The following FBXO47 variants were observed in gnomAD, a reference collection of about 807,000 sequenced individuals.
FBXO47 encodes F-box protein 47, also known as F-box only protein 47.
A neutral mutation model predicts 53.9 loss-of-function variants in FBXO47; 34 were observed. The ratio of observed to expected loss-of-function variants is 0.63; its 90% CI spans 0.48 to 0.84. FBXO47 has a LOEUF of 0.84. Among genes scored for constraint, FBXO47 ranks in the 40% least tolerant of loss-of-function variants. The pLI, the probability that FBXO47 is intolerant of heterozygous loss-of-function variation, is 0.00. For missense variants in FBXO47, 485 were observed against 541.3 expected (o/e 0.90, Z 1.03); for synonymous variants, 165 against 181.6 (o/e 0.91, Z 0.73).
Position 38,945,117 on chromosome 17 carries a change from C to T in FBXO47, c.636G>A (p.Glu212=). Residue 212 remains glutamate, a synonymous_variant, in exon 7 of 11, where the codon GAG becomes GAA. Transcript: ENST00000378079. ...TCCTACAGAAGAGTCTGATTCTTAA[C>T]TCCAGTTTTTGGGCACTTCCTATGA... ...CSKPGSAQKL[E]LRIRLFCRNV... The T allele has an allele frequency of 1.2e-6, 2 of 1,612,656 alleles. No homozygotes were observed. Among genetic ancestry groups the T allele is most frequent in the African/African-American group, 1.3e-5 (1 of 75,006 alleles).
chr17:38,952,491 G>A (rs1905344500), intron 5 of FBXO47, among the ~76,000 whole-genome samples: 1 of 151,374 alleles, frequency 6.6e-6, no homozygotes, highest in Admixed American at 6.6e-5. Flanking sequence ...GTTTCTTTTT[G>A]GTTGGAAAGG....
intron 1 of FBXO47, among the ~76,000 whole-genome samples, chr17:38,966,650 C>G (rs754614160): frequency 9.2e-5 from 14 of 152,118 alleles, no homozygotes; most frequent in South Asian, 4.1e-4. Flanking sequence ...TTCACTGTGT[C>G]AACTGTGAAC....
chr17:38,943,941 CA>C (rs1403591937), intron 7 of FBXO47, among the ~76,000 whole-genome samples: 1 of 152,090 alleles, frequency 6.6e-6, no homozygotes, highest in Non-Finnish European at 1.5e-5. Flanking sequence ...CCTGTAATCC[CA>C]GCACTTTAGG....
chr17:38,953,674 G>A (rs1905417024), intron 5 of FBXO47, among the ~76,000 whole-genome samples: 1 of 150,416 alleles, frequency 6.6e-6, no homozygotes, highest in Non-Finnish European at 1.5e-5. Flanking sequence ...ATTCCCTGTG[G>A]AAGGACATAC....
At position 38,937,120 on chromosome 17, in the gene FBXO47, A is replaced by T; in HGVS notation, c.*55T>A. On this transcript the variant is annotated 3_prime_UTR_variant, in exon 11 of 11. Coordinates refer to ENST00000378079, the MANE Select transcript of FBXO47 (RefSeq NM_001008777.3). Reference sequence around the variant, plus strand: ...GCTATTTTTTGAGTGAAAAAGTAGCACTCCTCTAATCATTCGTTCAGTGAC... The same window carrying T: ...GCTATTTTTTGAGTGAAAAAGTAGCTCTCCTCTAATCATTCGTTCAGTGAC... The T allele has an allele frequency of 1.5e-6, 1 of 673,212 alleles. No individual in the cohort carries two copies. Among genetic ancestry groups the T allele is most frequent in the Non-Finnish European group, 2.5e-6 (1 of 396,700 alleles). 41.7% of individuals were successfully genotyped at this position (673,212 alleles called of 1,614,324 possible). A position where few individuals can be genotyped will look rare whatever the true frequency, so the allele number is the denominator to read the frequency against.
rs1190566648 is a variant in FBXO47, at chr17:38,961,928, G to A, written c.301C>T (p.Leu101=). ...LLLQDFHNLE[L]PDRRQDSAIL... ...GCAGAGTCTTGTCTCCTGTCAGGCA[G>A]CTCAAGGTTATGAAAGTCCTGTAGT... is the stretch of plus-strand genomic sequence containing the variant. Residue 101 remains leucine (L), a synonymous_variant, in exon 3 of 11, where the codon CTG becomes TTG. Coordinates refer to ENST00000378079, the MANE Select transcript of FBXO47 (RefSeq NM_001008777.3). 1.2e-6 allele frequency: 2 copies of A among 1,614,048 alleles called. No individual in the cohort carries two copies. Among genetic ancestry groups the A allele is most frequent in the Admixed American group, 3.3e-5 (2 of 59,998 alleles).
At chr17:38,956,868 T>C (rs1389157010) in intron 4 of FBXO47, among the ~76,000 whole-genome samples, 1 of 152,182 alleles carries the variant, frequency 6.6e-6, no homozygotes, top group Non-Finnish European at 1.5e-5. Context: ...AATATCTACA[T>C]CACTACTTTA....
At chr17:38,948,105 T>TTTTGAA (rs959344982) in intron 6 of FBXO47, among the ~76,000 whole-genome samples, 2 of 151,960 alleles carry the variant, frequency 1.3e-5, no homozygotes, top group Non-Finnish European at 2.9e-5. Context: ...AAAGACATCC[T>TTTTGAA]GTTCTTTTTG....
intron 1 of FBXO47, among the ~76,000 whole-genome samples, chr17:38,966,794 G>A (rs1043764324): frequency 6.6e-6 from 1 of 152,098 alleles, no homozygotes; most frequent in Admixed American, 6.6e-5. Flanking sequence ...GAAAAAGCAA[G>A]CTTTTGTGAA....
chr17:38,966,497 G>A (rs1906139108), intron 1 of FBXO47, among the ~76,000 whole-genome samples: 1 of 152,132 alleles, frequency 6.6e-6, no homozygotes, highest in African/African-American at 2.4e-5. Flanking sequence ...CACCGCACCC[G>A]GCCAACACAG....
At chr17:38,951,179 C>T (rs950677281) in intron 6 of FBXO47, among the ~76,000 whole-genome samples, 5 of 152,052 alleles carry the variant, frequency 3.3e-5, no homozygotes, top group East Asian at 1.9e-4. Context: ...CTGTGAGCCA[C>T]GGCACCTGGC....
intron 5 of FBXO47, among the ~76,000 whole-genome samples, 197 bp from the exon 6 acceptor site, chr17:38,951,886 C>T (rs1905310793): frequency 6.6e-6 from 1 of 152,008 alleles, no homozygotes; most frequent in South Asian, 2.1e-4. Flanking sequence ...CAAAATTAGC[C>T]AGGTGTGGTG....
At chr17:38,939,293 CAAAAA>C (rs1218321299) in intron 9 of FBXO47, among the ~76,000 whole-genome samples, 9 of 34,844 alleles carry the variant, frequency 2.6e-4, no homozygotes, top group South Asian at 1.7e-3. Context: ...ACTCCATCTC[CAAAAA>C]AAAAAAAAAA....
chr17:38,954,779 G>T, intron 5 of FBXO47, 77 bp downstream of exon 5: 1 of 792,488 alleles, frequency 1.3e-6, no homozygotes, highest in Non-Finnish European at 2.0e-6. Context: ...ATTAACCTAT[G>T]AAAAGAGAGA....
intron 9 of FBXO47, 107 bp from the exon 10 acceptor site, chr17:38,938,839 T>C: frequency 1.1e-6 from 1 of 894,300 alleles, no homozygotes; most frequent in Non-Finnish European, 1.7e-6. Context: ...TTACATAATT[T>C]ATGATACCTG....
At position 38,938,710 on chromosome 17, in the gene FBXO47, C is replaced by A; in HGVS notation, c.1106G>T (p.Cys369Phe). 2 of 1,595,330 alleles carry A rather than the reference C, an allele frequency of 1.3e-6. No homozygotes were observed. The highest frequency in any genetic ancestry group is 1.7e-6 in the Non-Finnish European group (2 of 1,165,572). ...LALVCEKELY[C>F]MDWTVKMMQK... ...CATCATTTTAACTGTCCAATCCATG[C>A]AGTACAGTTCTTTCTCACACACCTG... Residue 369 changes from cysteine to phenylalanine, a missense_variant, in exon 10 of 11, where the codon TGC becomes TTC. By Grantham distance (205) the Cys-to-Phe change is radical. Coordinates refer to ENST00000378079, the MANE Select transcript of FBXO47 (RefSeq NM_001008777.3).
intron 3 of FBXO47, among the ~76,000 whole-genome samples, chr17:38,958,718 ATTACT>A (rs1905676926): frequency 6.6e-6 from 1 of 152,116 alleles, no homozygotes; most frequent in African/African-American, 2.4e-5. Flanking sequence ...ACATATTATA[ATTACT>A]TTATATAATT....
chr17:38,949,402 A>G (rs545694557), intron 6 of FBXO47, among the ~76,000 whole-genome samples: 1 of 152,002 alleles, frequency 6.6e-6, no homozygotes, highest in African/African-American at 2.4e-5. Flanking sequence ...CCTGGGTGAT[A>G]GAGCCAGACC....
At chr17:38,962,555 G>A (rs552404130) in intron 2 of FBXO47, among the ~76,000 whole-genome samples, 16 of 151,084 alleles carry the variant, frequency 1.1e-4, no homozygotes, top group African/African-American at 3.4e-4. Context: ...GCGGTGAGCC[G>A]AGATTACGCC....
Sources: gnomAD v4.1 joint callset for allele counts (sites outside exome capture counted in the v4.1 genomes callset) on GRCh38, gnomAD v4.1.1 for gene constraint, MANE v1.5 for transcripts, NCBI Gene and HGNC (gene_info 2026-07-23, HGNC 2026-07-21) for gene names.